Variants in KIAA0513 observed in about 807,000 individuals in gnomAD.
KIAA0513 encodes uncharacterized protein KIAA0513.
KIAA0513 carries 39 observed loss-of-function variants against 56.5 expected under a neutral mutation model. The observed-to-expected ratio is 0.69, with a 90% CI of 0.53 to 0.90. KIAA0513 has a LOEUF of 0.90. Among genes scored for constraint, KIAA0513 ranks in the 40% least tolerant of loss-of-function variants. The probability of loss-of-function intolerance (pLI) is 0.00; values close to 1 mark genes in which losing one functional copy is unlikely to be tolerated. For missense variants in KIAA0513, 591 were observed against 535.2 expected, an observed-to-expected ratio of 1.10 and a Z score of -1.03; for synonymous variants, 268 against 215.6, an observed-to-expected ratio of 1.24 and a Z score of -2.13.
At chr16:85,074,686 T>A (rs887943515) in intron 4 of KIAA0513, among the ~76,000 whole-genome samples, 2 of 152,316 alleles carry the variant, frequency 1.3e-5, no homozygotes, top group Middle Eastern at 3.4e-3. Flanking sequence ...AAGAAACCAC[T>A]GAAAGAGGTT....
chr16:85,051,209 C>A (rs564425861), intron 1 of KIAA0513, among the ~76,000 whole-genome samples: 1 of 152,090 alleles, frequency 6.6e-6, no homozygotes, highest in Non-Finnish European at 1.5e-5. Flanking sequence ...AGGTCGTCTT[C>A]GTGGAGAACT....
Position 85,076,994 on chromosome 16 carries a change from GT to G in KIAA0513, c.575-428del, listed in dbSNP as rs1456783422. 6.6e-6 allele frequency among the ~76,000 whole-genome samples: 1 copy of G among 152,114 alleles called. No homozygotes were observed. Among genetic ancestry groups the G allele is most frequent in the Non-Finnish European group, 1.5e-5 (1 of 68,000 alleles). On this transcript the variant is annotated intron_variant, in intron 5 of 12. Transcript: ENST00000683363. This position sits in a 1 kb window ranked among gnomAD's most constrained non-coding sequence, Gnocchi z 4.7. ...TCATGTCCATCCACTGGCTAAGGGA[GT>G]TTGGGTGCTGCCCAGACTCCTCCTC...
At chr16:85,067,715 C>G (rs2073508919) in intron 2 of KIAA0513, among the ~76,000 whole-genome samples, 1 of 152,194 alleles carries the variant, frequency 6.6e-6, no homozygotes, top group Non-Finnish European at 1.5e-5. Context: ...GCAGAGAATC[C>G]CTGGAGGGAC....
chr16:85,068,141 C>G (rs988170808), intron 2 of KIAA0513, among the ~76,000 whole-genome samples: 5 of 150,598 alleles, frequency 3.3e-5, no homozygotes, highest in Non-Finnish European at 5.9e-5. Flanking sequence ...GCATGTTGTT[C>G]CTGAATTTTA....
rs900104498 is a variant in KIAA0513 at position 85,081,709 on chromosome 16, T to C, written c.980+317T>C. Among the ~76,000 whole-genome samples, 2 of 152,082 alleles carry C rather than the reference T, an allele frequency of 1.3e-5. No individual in the cohort carries two copies. Among genetic ancestry groups the C allele is most frequent in the African/African-American group, 4.8e-5 (2 of 41,428 alleles). ...CCACCCTGCTGTTTGCTGGACAAAA[T>C]CAGCATCCTGAGGATGAACGCTTGG... On this transcript the variant is annotated intron_variant, in intron 9 of 12. Coordinates refer to ENST00000683363, the MANE Select transcript of KIAA0513 (RefSeq NM_001388359.1). The surrounding 1 kb of genome is among the most constrained non-coding windows in gnomAD (Gnocchi z 4.4).
At chr16:85,069,595 C>G (rs1319775678) in intron 2 of KIAA0513, among the ~76,000 whole-genome samples, 1 of 151,946 alleles carries the variant, frequency 6.6e-6, no homozygotes, top group Non-Finnish European at 1.5e-5. Flanking sequence ...GGAAGGAGGA[C>G]GCACACACAC....
At chr16:85,058,473 T>C (rs1270753086) in intron 1 of KIAA0513, among the ~76,000 whole-genome samples, 1 of 151,988 alleles carries the variant, frequency 6.6e-6, no homozygotes, top group Non-Finnish European at 1.5e-5. Flanking sequence ...ATCAACGTGG[T>C]GAAACCCCAT....
intron 11 of KIAA0513, 24 bp from the exon 12 acceptor site, chr16:85,087,048 A>G: frequency 6.2e-7 from 1 of 1,611,232 alleles, no homozygotes; most frequent in Non-Finnish European, 8.5e-7. Flanking sequence ...CCAGCGGGTG[A>G]CGCTCTTGGG....
At chr16:85,046,565 C>A (rs1435354061) in intron 1 of KIAA0513, among the ~76,000 whole-genome samples, 2 of 152,206 alleles carry the variant, frequency 1.3e-5, no homozygotes, top group Non-Finnish European at 2.9e-5. Context: ...TACAGATGGA[C>A]GGCCCGTCTG....
chr16:85,067,533 G>A, intron 2 of KIAA0513, 133 bp downstream of exon 2: 4 of 704,700 alleles, frequency 5.7e-6, no homozygotes, highest in South Asian at 1.9e-5. Context: ...TCAGCCAGGG[G>A]TGGCGACTGC....
intron 1 of KIAA0513, among the ~76,000 whole-genome samples, chr16:85,049,233 G>C (rs543375054): frequency 6.6e-6 from 1 of 152,210 alleles, no homozygotes; most frequent in Non-Finnish European, 1.5e-5. Context: ...ACTGTGGCCC[G>C]CCAGGCCATC....
In KIAA0513 at chr16:85,093,553, TG is replaced by T. The variant is rs568234799; in HGVS notation, c.*5234del. 1,144 of 152,722 alleles carry T rather than the reference TG, an allele frequency of 7.5e-3. 4 individuals carry two copies. Among genetic ancestry groups the T allele is most frequent in the Non-Finnish European group, 0.011 (779 of 68,034 alleles). 9.5% of individuals were successfully genotyped at this position (152,722 alleles called of 1,614,324 possible). A position where few individuals can be genotyped will look rare whatever the true frequency, so the allele number is the denominator to read the frequency against. ...AAATCCCCTGTGCATTGACTAGAAC[TG>T]GGGGGCTGCGCCCGCTCCCTCCTTA... is the stretch of plus-strand genomic sequence containing the variant. On this transcript the variant is annotated 3_prime_UTR_variant, in exon 13 of 13. Transcript: ENST00000683363.
At chr16:85,072,859 C>T (rs1325595837) in intron 3 of KIAA0513, 66 bp from the exon 4 acceptor site, 40 of 1,466,912 alleles carry the variant, frequency 2.7e-5, no homozygotes, top group Non-Finnish European at 1.1e-5. Flanking sequence ...GCAAAGCCTG[C>T]AGCTTCACTG....
intron 1 of KIAA0513, among the ~76,000 whole-genome samples, chr16:85,038,311 C>A (rs1278227707): frequency 6.6e-6 from 1 of 152,234 alleles, no homozygotes; most frequent in Non-Finnish European, 1.5e-5. Context: ...CAGCCGCCTT[C>A]CCTAACCCAG....
rs760872202 is a variant in KIAA0513, at chr16:85,088,234, C to T, written c.1187-42C>T. 61 of 1,584,722 alleles carry T rather than the reference C, an allele frequency of 3.8e-5. No individual in the cohort carries two copies. The South Asian group carries it at 6.7e-4, about 18-fold the overall frequency. ...AAGAGCAGGATATACCTGTCCCTGT[C>T]ACTGTCTTTCATCTGAGAAATAACA... On this transcript the variant is annotated intron_variant, in intron 12 of 12. Transcript: ENST00000683363.
At chr16:85,058,969 C>T (rs16975170) in intron 1 of KIAA0513, among the ~76,000 whole-genome samples, 29,135 of 152,102 alleles carry the variant, frequency 0.19, 4,014 homozygotes, top group African/African-American at 0.39. Context: ...TTGATTCCAC[C>T]GTCTCGTAGT....
intron 1 of KIAA0513, among the ~76,000 whole-genome samples, chr16:85,031,335 T>G (rs2072961773): frequency 6.6e-6 from 1 of 152,002 alleles, no homozygotes; most frequent in Admixed American, 6.6e-5. Context: ...TAAACAAAAA[T>G]TAGCCAGGTG....
At chr16:85,062,173 C>T (rs80087650) in intron 1 of KIAA0513, among the ~76,000 whole-genome samples, 4 of 151,584 alleles carry the variant, frequency 2.6e-5, no homozygotes, top group African/African-American at 9.7e-5. Context: ...ATTCTATTAA[C>T]TCTATCTTCC....
Position 85,086,655 on chromosome 16 carries a change from G to A in KIAA0513, c.1022G>A (p.Cys341Tyr). 2.5e-6 allele frequency: 4 copies of A among 1,613,846 alleles called. No homozygotes were observed. In the South Asian group the frequency reaches 4.4e-5, roughly 18 times the overall value. ...TCCTGTGCTTGCAGGGAGAAGTGGT[G>A]CCACATGACCCAGGAGGAGCGCGAC... ...GEEEEKREKW[C>Y]HMTQEERDDS... Residue 341 changes from cysteine (C) to tyrosine (Y), a missense_variant, in exon 11 of 13, where the codon TGC becomes TAC. By Grantham distance (194) the Cys-to-Tyr change is radical (BLOSUM62 -2). Transcript: ENST00000683363.
Sources: gnomAD v4.1 joint callset for allele counts (sites outside exome capture counted in the v4.1 genomes callset) on GRCh38, gnomAD v4.1.1 for gene constraint, Gnocchi (gnomAD v3.1) non-coding constraint, MANE v1.5 for transcripts, NCBI Gene and HGNC (gene_info 2026-07-23, HGNC 2026-07-21) for gene names.